Variants in COQ3 observed in about 807,000 individuals in gnomAD.
The protein encoded by COQ3 is coenzyme Q3, methyltransferase, also known as ubiquinone biosynthesis O-methyltransferase, mitochondrial.
In COQ3, 29 loss-of-function variants were observed where a neutral mutation model predicts 33.1. That is an observed-to-expected ratio of 0.88 (90% CI 0.65 to 1.19). The LOEUF is 1.19. COQ3 is among the 50% of genes most tolerant of loss of function. The pLI is 0.00. For synonymous variants in COQ3, 173 were observed against 157.8 expected, an observed-to-expected ratio of 1.10 and a Z score of -0.72; for missense variants, 437 against 430.7, an observed-to-expected ratio of 1.01 and a Z score of -0.13.
At chr6:99,378,886 C>G (rs7751297) in intron 3 of COQ3, among the ~76,000 whole-genome samples, 1 of 151,500 alleles carries the variant, frequency 6.6e-6, no homozygotes, top group Non-Finnish European at 1.5e-5. Context: ...TGTTACAGTG[C>G]TTTGCCCAAA....
chr6:99,394,152 A>T lies in COQ3; in HGVS notation c.28T>A (p.Ser10Thr). Residue 10 changes from serine (S) to threonine (T), a missense_variant, in exon 1 of 7, where the codon TCC becomes ACC. Ser to Thr is a moderately conservative substitution (Grantham distance 58). Coordinates refer to ENST00000254759, the MANE Select transcript of COQ3 (RefSeq NM_017421.4). Reference protein sequence around the residue: MWSGRKLGSSGGWFLRVLGP... With the variant: MWSGRKLGSTGGWFLRVLGP... ...AGCACTCTTAAAAACCAACCCCCGGAGGAGCCCAGCTTACGGCCACTCCAC... is the reference window on the plus strand; with the variant it reads ...AGCACTCTTAAAAACCAACCCCCGGTGGAGCCCAGCTTACGGCCACTCCAC... 6.2e-7 allele frequency: 1 copy of T among 1,606,950 alleles called. No individual in the cohort carries two copies. Among genetic ancestry groups the T allele is most frequent in the Non-Finnish European group, 8.5e-7 (1 of 1,176,552 alleles).
At chr6:99,387,338 C>G (rs898656465) in intron 1 of COQ3, among the ~76,000 whole-genome samples, 3 of 152,022 alleles carry the variant, frequency 2.0e-5, no homozygotes, top group Non-Finnish European at 2.9e-5. Flanking sequence ...ATGGTCCTTG[C>G]TACTAAGGGG....
Position 99,369,492 on chromosome 6 carries a change from T to C in COQ3, c.*108A>G. On this transcript the variant is annotated 3_prime_UTR_variant, in exon 7 of 7. Coordinates refer to ENST00000254759, the MANE Select transcript of COQ3 (RefSeq NM_017421.4). ...TTTTGTCCAAGGTTTTAGCCCTTTT[T>C]ATTGACCTTCTTTTCTTCATGATTC... 1.1e-6 allele frequency: 1 copy of C among 925,548 alleles called. No individual in the cohort carries two copies. The allele number at this position is 925,548 out of a possible 1,614,324, so 57.3% of individuals were successfully genotyped here. A position where few individuals can be genotyped will look rare whatever the true frequency, so the allele number is the denominator to read the frequency against.
At chr6:99,388,812 C>G (rs1774732752) in intron 1 of COQ3, among the ~76,000 whole-genome samples, 1 of 152,028 alleles carries the variant, frequency 6.6e-6, no homozygotes, top group East Asian at 1.9e-4. Flanking sequence ...CGCACCATTA[C>G]ACTCCAGTAT....
intron 3 of COQ3, among the ~76,000 whole-genome samples, chr6:99,379,112 C>A (rs9389299): frequency 2.0e-5 from 3 of 151,518 alleles, no homozygotes; most frequent in Non-Finnish European, 4.4e-5. Context: ...TGTGCTGCAC[C>A]CATTAACTCG....
intron 1 of COQ3, among the ~76,000 whole-genome samples, chr6:99,391,254 A>G (rs1774820428): frequency 6.7e-6 from 1 of 149,870 alleles, no homozygotes; most frequent in Non-Finnish European, 1.5e-5. Flanking sequence ...GCACACCACC[A>G]TGCCTGGCTA....
chr6:99,379,400 C>A (rs532551927), intron 3 of COQ3, among the ~76,000 whole-genome samples: 5 of 152,266 alleles, frequency 3.3e-5, no homozygotes, highest in Admixed American at 1.3e-4. Context: ...CCACAGCAAC[C>A]TATAAGTTCC....
intron 5 of COQ3, among the ~76,000 whole-genome samples, chr6:99,372,454 G>A (rs1341743649): frequency 6.6e-6 from 1 of 152,010 alleles, no homozygotes; most frequent in Non-Finnish European, 1.5e-5. Flanking sequence ...GTCTTGCTCT[G>A]TCGCCCAGGG....
chr6:99,369,849 G>GATTTAATA, intron 6 of COQ3, 29 bp from the exon 7 acceptor site: 1 of 1,394,000 alleles, frequency 7.2e-7, no homozygotes, highest in Non-Finnish European at 9.9e-7. Context: ...AGAAAGAGTA[G>GATTTAATA]ATTTAATAAA....
intron 1 of COQ3, among the ~76,000 whole-genome samples, chr6:99,390,379 G>T (rs9373142): frequency 0.33 from 48,179 of 147,354 alleles, 8,726 homozygotes; most frequent in East Asian, 0.79. Context: ...TGTCGCCCAG[G>T]CTGGAGTGCA....
chr6:99,379,164 C>T (rs990915347), intron 3 of COQ3, among the ~76,000 whole-genome samples: 2 of 152,002 alleles, frequency 1.3e-5, no homozygotes, highest in African/African-American at 2.4e-5. Context: ...ATCCCTCGCC[C>T]CTCATACTAA....
chr6:99,375,811 C>T (rs1774264711), intron 5 of COQ3, 129 bp downstream of exon 5: 2 of 927,578 alleles, frequency 2.2e-6, no homozygotes, highest in African/African-American at 3.3e-5. Flanking sequence ...CTCATCCAGG[C>T]TTCCTGGTTT....
chr6:99,393,336 T>C (rs1270048562), intron 1 of COQ3, among the ~76,000 whole-genome samples: 1 of 152,256 alleles, frequency 6.6e-6, no homozygotes, highest in Non-Finnish European at 1.5e-5. Flanking sequence ...TAGTACCAAC[T>C]AATAACCTTT....
chr6:99,393,052 T>TA (rs1297318562), intron 1 of COQ3, among the ~76,000 whole-genome samples: 2 of 152,262 alleles, frequency 1.3e-5, no homozygotes, highest in East Asian at 1.9e-4. Flanking sequence ...ACATGTTTAC[T>TA]AAAAAAAGTT....
intron 6 of COQ3, among the ~76,000 whole-genome samples, chr6:99,370,183 G>A (rs965345210): frequency 9.2e-5 from 14 of 152,082 alleles, no homozygotes; most frequent in Non-Finnish European, 4.4e-5. Flanking sequence ...AGAATTAGAT[G>A]AGCTATATGT....
intron 6 of COQ3, among the ~76,000 whole-genome samples, chr6:99,370,349 T>TTTA (rs1425397227): frequency 1.4e-5 from 2 of 139,028 alleles, no homozygotes; most frequent in African/African-American, 5.4e-5. Context: ...CTTTACTTTT[T>TTTA]TTTTTTTTTT....
At chr6:99,387,374 C>T (rs1774681486) in intron 1 of COQ3, among the ~76,000 whole-genome samples, 1 of 152,100 alleles carries the variant, frequency 6.6e-6, no homozygotes, top group East Asian at 1.9e-4. Context: ...CTGTTTGAGC[C>T]TGAGAGGTAG....
intron 3 of COQ3, among the ~76,000 whole-genome samples, chr6:99,378,100 CTAAACATATATATATATATATATATA>C (rs1747298514): frequency 1.9e-5 from 1 of 52,390 alleles, no homozygotes; most frequent in Non-Finnish European, 3.4e-5. Flanking sequence ...GTATTGTAAA[CTAAACATATATATATATATATATATA>C]TATATATATA....
chr6:99,379,407 T>C (rs61369257), intron 3 of COQ3, among the ~76,000 whole-genome samples: 16,729 of 152,198 alleles, frequency 0.11, 1,364 homozygotes, highest in South Asian at 0.28. Flanking sequence ...AACCTATAAG[T>C]TCCCGAAGCA....
Sources: allele counts gnomAD v4.1 joint callset (sites outside exome capture counted in the v4.1 genomes callset), GRCh38; gene constraint gnomAD v4.1.1; transcripts MANE v1.5; gene names NCBI Gene and HGNC (gene_info 2026-07-23, HGNC 2026-07-21).